Variants in CCDC91 observed in about 807,000 individuals in gnomAD.
The protein encoded by CCDC91 is coiled-coil domain-containing protein 91.
Under a neutral mutation model 63.2 loss-of-function variants are expected in CCDC91, and 48 were observed. That is an observed-to-expected ratio of 0.76 (90% CI 0.60 to 0.97). CCDC91 has a LOEUF of 0.97. Ranked by LOEUF, CCDC91 falls within the 50% of genes least tolerant of loss-of-function variation. The pLI is 0.00. For synonymous variants in CCDC91, 167 were observed against 165.8 expected, an observed-to-expected ratio of 1.01 and a Z score of -0.06; for missense variants, 500 against 494.6, an observed-to-expected ratio of 1.01 and a Z score of -0.10.
At chr12:28,329,763 C>T (rs1264152074) in intron 6 of CCDC91, among the ~76,000 whole-genome samples, 1 of 152,096 alleles carries the variant, frequency 6.6e-6, no homozygotes, top group African/African-American at 2.4e-5. Context: ...CTATCCCTCC[C>T]CCAGGCCCCA....
chr12:28,510,696 G>A lies in CCDC91; in HGVS notation c.1215+26531G>A, dbSNP rs571848756. On this transcript the variant is annotated intron_variant, in intron 12 of 12. Transcript: ENST00000536442. ...TAGTAGATACATAAAATTAACCACC[G>A]CAGATAATGATTTTTTGCATAAATT... Among the ~76,000 whole-genome samples, 8 of 151,738 alleles carry A rather than the reference G, an allele frequency of 5.3e-5. No homozygotes were observed. In the South Asian group the frequency reaches 6.3e-4, roughly 12 times the overall value.
At chr12:28,452,288 A>G (rs1428295525) in intron 10 of CCDC91, among the ~76,000 whole-genome samples, 190 bp from the exon 11 acceptor site, 1 of 151,634 alleles carries the variant, frequency 6.6e-6, no homozygotes, top group Non-Finnish European at 1.5e-5. Flanking sequence ...GAAATTAAGT[A>G]GGAATATTTG....
At chr12:28,224,260 C>T (rs976716072) in intron 1 of CCDC91, among the ~76,000 whole-genome samples, 2 of 152,088 alleles carry the variant, frequency 1.3e-5, no homozygotes, top group African/African-American at 4.8e-5. Flanking sequence ...GATTTTGGGT[C>T]TGCTTTACCA....
chr12:28,406,641 A>G (rs985481963), intron 8 of CCDC91, among the ~76,000 whole-genome samples: 2 of 152,090 alleles, frequency 1.3e-5, no homozygotes, highest in Admixed American at 6.6e-5. Flanking sequence ...CCAACTCATC[A>G]ATTTTTCTTC....
At chr12:28,268,027 A>T in intron 3 of CCDC91, among the ~76,000 whole-genome samples, 1 of 131,984 alleles carries the variant, frequency 7.6e-6, no homozygotes, top group East Asian at 2.0e-4. Context: ...TAATTTAATT[A>T]TTAATTATTA....
intron 3 of CCDC91, among the ~76,000 whole-genome samples, chr12:28,260,169 A>G (rs890311071): frequency 6.6e-6 from 1 of 152,030 alleles, no homozygotes; most frequent in African/African-American, 2.4e-5. Flanking sequence ...AGGCACATGC[A>G]TATTTGTAAT....
At position 28,249,206 on chromosome 12, in the gene CCDC91, G is replaced by A. The variant is rs1945959764; in HGVS notation, c.-14-7996G>A. On this transcript the variant is annotated intron_variant, in intron 1 of 12. Transcript: ENST00000536442. Reference sequence around the variant, plus strand: ...TTTAAAGAAATACTGGGTGTGTTGGGCAGCACTGTGAATCCAGTTGAAGAG... The same window carrying A: ...TTTAAAGAAATACTGGGTGTGTTGGACAGCACTGTGAATCCAGTTGAAGAG... 3.3e-5 allele frequency among the ~76,000 whole-genome samples: 5 copies of A among 152,158 alleles called. No homozygotes were observed. In the South Asian group the frequency reaches 1.0e-3, roughly 32 times the overall value.
chr12:28,357,662 G>A (rs1477857518), intron 6 of CCDC91, among the ~76,000 whole-genome samples: 2 of 152,020 alleles, frequency 1.3e-5, no homozygotes, highest in African/African-American at 4.8e-5. Flanking sequence ...GGTTTGCTGT[G>A]CCCTTATTGA....
intron 8 of CCDC91, among the ~76,000 whole-genome samples, chr12:28,427,326 G>A (rs1275246416): frequency 6.6e-6 from 1 of 152,054 alleles, no homozygotes; most frequent in Non-Finnish European, 1.5e-5. Context: ...TGAAGAATAG[G>A]CCTTTCCTAT....
chr12:28,320,280 T>A (rs571922355), intron 6 of CCDC91, among the ~76,000 whole-genome samples: 13 of 152,044 alleles, frequency 8.6e-5, no homozygotes, highest in African/African-American at 2.9e-4. Flanking sequence ...CTATGTTTTA[T>A]CTTCTTTGCT....
intron 1 of CCDC91, among the ~76,000 whole-genome samples, chr12:28,218,760 GTTTCTT>G (rs1347852786): frequency 6.6e-6 from 1 of 150,716 alleles, no homozygotes; most frequent in Admixed American, 6.6e-5. Flanking sequence ...TACGTATTTG[GTTTCTT>G]TGACTTGGTG....
At chr12:28,345,935 A>T (rs552528109) in intron 6 of CCDC91, among the ~76,000 whole-genome samples, 1 of 151,860 alleles carries the variant, frequency 6.6e-6, no homozygotes, top group East Asian at 1.9e-4. Flanking sequence ...ACATATTATG[A>T]TTAATTTTTT....
At chr12:28,422,089 A>G (rs1220980971) in intron 8 of CCDC91, among the ~76,000 whole-genome samples, 6 of 152,088 alleles carry the variant, frequency 3.9e-5, no homozygotes, top group African/African-American at 7.2e-5. Context: ...CAATCACTCT[A>G]TCACTTTAGG....
intron 3 of CCDC91, among the ~76,000 whole-genome samples, chr12:28,293,814 G>T (rs185485581): frequency 1.3e-5 from 2 of 151,654 alleles, no homozygotes; most frequent in Admixed American, 1.3e-4. Context: ...CTGCAGCTGC[G>T]AACTCCTGGG....
At chr12:28,240,206 C>G (rs1046951904) in intron 1 of CCDC91, among the ~76,000 whole-genome samples, 8 of 152,084 alleles carry the variant, frequency 5.3e-5, no homozygotes, top group African/African-American at 1.9e-4. Context: ...TAATAGTTTC[C>G]TTTTATCTGT....
chr12:28,366,407 T>G (rs1391357257), intron 7 of CCDC91, among the ~76,000 whole-genome samples: 2 of 152,194 alleles, frequency 1.3e-5, no homozygotes, highest in Admixed American at 6.5e-5. Context: ...CTCCACCTAG[T>G]AAGACAGAAA....
chr12:28,242,754 T>C (rs1945430422), intron 1 of CCDC91, among the ~76,000 whole-genome samples: 1 of 152,040 alleles, frequency 6.6e-6, no homozygotes, highest in Admixed American at 6.6e-5. Flanking sequence ...GTGCTGGAGG[T>C]AGGGCCTGGT....
chr12:28,434,691 C>T (rs1173058005), intron 8 of CCDC91, among the ~76,000 whole-genome samples: 5 of 139,052 alleles, frequency 3.6e-5, no homozygotes, highest in Non-Finnish European at 7.6e-5. Flanking sequence ...ATCTTCTGGA[C>T]AAAATTATAT....
intron 11 of CCDC91, among the ~76,000 whole-genome samples, chr12:28,473,476 G>A (rs1310551783): frequency 6.6e-6 from 1 of 152,078 alleles, no homozygotes; most frequent in African/African-American, 2.4e-5. Flanking sequence ...TTAGATATTT[G>A]TTCAAGTAAG....
Sources: gnomAD v4.1 joint callset for allele counts (sites outside exome capture counted in the v4.1 genomes callset) on GRCh38, gnomAD v4.1.1 for gene constraint, MANE v1.5 for transcripts, NCBI Gene and HGNC (gene_info 2026-07-23, HGNC 2026-07-21) for gene names.